Variants in GALNTL6 observed in about 807,000 individuals in gnomAD.
GALNTL6 encodes polypeptide N-acetylgalactosaminyltransferase-like 6.
GALNTL6 carries 46 observed loss-of-function variants against 73.7 expected under a neutral mutation model. The ratio of observed to expected loss-of-function variants is 0.62; its 90% confidence interval spans 0.49 to 0.80. The LOEUF is 0.80. GALNTL6 is among the 30% of genes least tolerant of loss of function. The pLI is 0.00. For synonymous variants in GALNTL6, 259 were observed against 263.7 expected, an observed-to-expected ratio of 0.98 and a Z score of 0.17; for missense variants, 604 against 755.0, an observed-to-expected ratio of 0.80 and a Z score of 2.34.
At chr4:172,820,644 T>G (rs1470451880) in intron 7 of GALNTL6, among the ~76,000 whole-genome samples, 1 of 152,162 alleles carries the variant, frequency 6.6e-6, no homozygotes, top group African/African-American at 2.4e-5. Flanking sequence ...CCCATCCCTA[T>G]TAGGACAACT....
chr4:172,395,038 A>C (rs1416801125), intron 5 of GALNTL6, among the ~76,000 whole-genome samples: 1 of 152,208 alleles, frequency 6.6e-6, no homozygotes, highest in Non-Finnish European at 1.5e-5. Flanking sequence ...CTGTGTTATC[A>C]GGATTATTGA....
At chr4:173,003,287 T>C (rs1304500256) in intron 10 of GALNTL6, among the ~76,000 whole-genome samples, 1 of 152,130 alleles carries the variant, frequency 6.6e-6, no homozygotes, top group Non-Finnish European at 1.5e-5. Flanking sequence ...GAGGTGGGTA[T>C]GTTTGGTGTG....
At chr4:172,341,013 T>A (rs1314605656) in intron 4 of GALNTL6, among the ~76,000 whole-genome samples, 1 of 152,168 alleles carries the variant, frequency 6.6e-6, no homozygotes, top group Non-Finnish European at 1.5e-5. Flanking sequence ...CTCCATTTTC[T>A]TATCTTAGGG....
chr4:172,201,526 TG>T (rs1735955501), intron 2 of GALNTL6, among the ~76,000 whole-genome samples: 1 of 150,000 alleles, frequency 6.7e-6, no homozygotes, highest in Non-Finnish European at 1.5e-5. Context: ...TTTTGTTTTT[TG>T]TTTTTGTTTT....
intron 5 of GALNTL6, among the ~76,000 whole-genome samples, chr4:172,372,429 C>A (rs1742852671): frequency 6.6e-6 from 1 of 152,178 alleles, no homozygotes; most frequent in Non-Finnish European, 1.5e-5. Context: ...TATGAGTAGT[C>A]CAGACAGTGA....
intron 5 of GALNTL6, among the ~76,000 whole-genome samples, chr4:172,599,656 A>G (rs1737983561): frequency 6.6e-6 from 1 of 152,142 alleles, no homozygotes; most frequent in Non-Finnish European, 1.5e-5. Flanking sequence ...GCAGTTATAT[A>G]TTGTGCCAAG....
chr4:172,093,786 G>C, intron 2 of GALNTL6, among the ~76,000 whole-genome samples: 1 of 152,152 alleles, frequency 6.6e-6, no homozygotes, highest in East Asian at 1.9e-4. Context: ...GAAGATTCCA[G>C]GTTGCAGGCT....
chr4:172,418,921 T>A (rs1730946685), intron 5 of GALNTL6, among the ~76,000 whole-genome samples: 1 of 144,328 alleles, frequency 6.9e-6, no homozygotes, highest in South Asian at 2.3e-4. Context: ...ATTATTAAAA[T>A]TTTTAAAAAG....
chr4:172,380,297 A>G, intron 5 of GALNTL6: 2 of 751,294 alleles, frequency 2.7e-6, no homozygotes, highest in Non-Finnish European at 5.0e-6. Flanking sequence ...AGGGGCTGCC[A>G]TTGGGTATTC....
intron 2 of GALNTL6, among the ~76,000 whole-genome samples, chr4:172,023,857 TTTGCTCAAAACTC>T (rs1741474946): frequency 6.6e-6 from 1 of 151,902 alleles, no homozygotes; most frequent in Admixed American, 6.6e-5. Context: ...TATGGCAGTG[TTTGCTCAAAACTC>T]TCAGTGCCTT....
Position 172,305,834 on chromosome 4 carries a change from C to T in GALNTL6, c.248-5780C>T, listed in dbSNP as rs189575579. Among the ~76,000 whole-genome samples the T allele has an allele frequency of 6.6e-3, 1,001 of 152,052 alleles. 7 individuals are homozygous for T. Among genetic ancestry groups the T allele is most frequent in the Non-Finnish European group, 8.2e-3 (559 of 67,988 alleles). On this transcript the variant is annotated intron_variant, in intron 3 of 12. Coordinates refer to ENST00000506823, the MANE Select transcript of GALNTL6 (RefSeq NM_001034845.3). The stretch of plus-strand genomic sequence containing the variant: ...GGTGACTCACCAGTTTTGTTTTATA[C>T]CTTTAGAGAATCATTCATTCATTTA...
chr4:172,464,533 C>A (rs1405968239), intron 5 of GALNTL6, among the ~76,000 whole-genome samples: 1 of 151,844 alleles, frequency 6.6e-6, no homozygotes, highest in Non-Finnish European at 1.5e-5. Flanking sequence ...CATGGTGAAA[C>A]CTTGTCTCTA....
At chr4:171,959,221 G>A (rs1458240530) in intron 2 of GALNTL6, among the ~76,000 whole-genome samples, 2 of 152,008 alleles carry the variant, frequency 1.3e-5, no homozygotes, top group Admixed American at 6.6e-5. Context: ...TGAAATGCAG[G>A]AATTTTTTTT....
At chr4:171,942,502 T>A (rs1423182688) in intron 2 of GALNTL6, among the ~76,000 whole-genome samples, 1 of 152,138 alleles carries the variant, frequency 6.6e-6, no homozygotes, top group Non-Finnish European at 1.5e-5. Context: ...ATACACAAAA[T>A]ATGTAGGCTA....
At chr4:172,301,307 G>T (rs1016801115) in intron 3 of GALNTL6, among the ~76,000 whole-genome samples, 21 of 152,120 alleles carry the variant, frequency 1.4e-4, no homozygotes, top group African/African-American at 5.1e-4. Context: ...TTTGCCATGG[G>T]TTCGAACTTC....
At chr4:172,919,950 T>C (rs1404466469) in intron 8 of GALNTL6, among the ~76,000 whole-genome samples, 1 of 152,210 alleles carries the variant, frequency 6.6e-6, no homozygotes, top group East Asian at 1.9e-4. Context: ...AATGTTACTG[T>C]AGAAATGAAC....
At chr4:172,085,024 A>G (rs1731988353) in intron 2 of GALNTL6, among the ~76,000 whole-genome samples, 1 of 152,196 alleles carries the variant, frequency 6.6e-6, no homozygotes, top group Non-Finnish European at 1.5e-5. Flanking sequence ...GTCCCTAAAC[A>G]AGATTAAGGT....
intron 2 of GALNTL6, among the ~76,000 whole-genome samples, chr4:171,974,477 A>C (rs1261198318): frequency 6.6e-6 from 1 of 152,168 alleles, no homozygotes; most frequent in Non-Finnish European, 1.5e-5. Flanking sequence ...TTGTAGCATA[A>C]ACACAAAAGA....
intron 5 of GALNTL6, among the ~76,000 whole-genome samples, chr4:172,514,616 A>G (rs1417313941): frequency 6.6e-6 from 1 of 151,988 alleles, no homozygotes; most frequent in Non-Finnish European, 1.5e-5. Context: ...TGCCCTGAAA[A>G]ATTTTCACTC....
Sources: gnomAD v4.1 joint callset for allele counts (sites outside exome capture counted in the v4.1 genomes callset) on GRCh38, gnomAD v4.1.1 for gene constraint, MANE v1.5 for transcripts, NCBI Gene and HGNC (gene_info 2026-07-23, HGNC 2026-07-21) for gene names.